The following DNAAF1 variants were observed in gnomAD, a reference collection of about 807,000 sequenced individuals.
The protein encoded by DNAAF1 is dynein assembly factor 1, axonemal.
In DNAAF1, 65 loss-of-function variants were observed where a neutral mutation model predicts 71.1. The ratio of observed to expected loss-of-function variants is 0.91; its 90% confidence interval spans 0.75 to 1.12. DNAAF1 has a LOEUF of 1.12. DNAAF1 is among the 50% of genes most tolerant of loss of function. The pLI, the probability that DNAAF1 is intolerant of heterozygous loss-of-function variation, is 0.00. For missense variants in DNAAF1, 1,178 were observed against 899.8 expected (o/e 1.31, Z -3.96); for synonymous variants, 414 against 354.6 (o/e 1.17, Z -1.88).
chr16:84,150,144 G>A (rs548296583), intron 2 of DNAAF1, 107 bp from the exon 3 acceptor site: 28 of 778,512 alleles, frequency 3.6e-5, no homozygotes, highest in Non-Finnish European at 6.2e-5. Flanking sequence ...AGGGATATAG[G>A]ATGTTATAGA....
intron 9 of DNAAF1, chr16:84,173,380 C>A: frequency 1.4e-6 from 1 of 705,274 alleles, no homozygotes; most frequent in Non-Finnish European, 1.7e-6. Context: ...AGGAGAATGG[C>A]AGGAACCTGG....
chr16:84,154,358 G>A (rs1270858225), intron 3 of DNAAF1, among the ~76,000 whole-genome samples: 1 of 152,066 alleles, frequency 6.6e-6, no homozygotes, highest in African/African-American at 2.4e-5. Flanking sequence ...TCATTTATGA[G>A]ACCACTAATC....
rs190261122 is a variant in DNAAF1, at chr16:84,175,102, C to T, written c.1698+380C>T. On this transcript the variant is annotated intron_variant, in intron 10 of 11. Transcript: ENST00000378553. ...AACTCCTGACCTCAAGTGATCCACCCGCCTCAGCCTCCCAAAGTGCTGGGA... is the reference window on the plus strand; with the variant it reads ...AACTCCTGACCTCAAGTGATCCACCTGCCTCAGCCTCCCAAAGTGCTGGGA... 3.1e-4 allele frequency: 87 copies of T among 279,410 alleles called. 1 individual carries two copies. Among genetic ancestry groups the T allele is most frequent in the African/African-American group, 1.7e-3 (76 of 45,588 alleles). 17.3% of individuals were successfully genotyped at this position (279,410 alleles called of 1,614,324 possible).
chr16:84,176,833 G>A (rs1312291650), intron 11 of DNAAF1: 1 of 180,858 alleles, frequency 5.5e-6, no homozygotes, highest in Non-Finnish European at 1.2e-5. Flanking sequence ...GCACCAGGCA[G>A]GGACGGCAGC....
At chr16:84,155,378 G>A (rs1305911229) in intron 4 of DNAAF1, among the ~76,000 whole-genome samples, 1 of 152,112 alleles carries the variant, frequency 6.6e-6, no homozygotes, top group African/African-American at 2.4e-5. Flanking sequence ...ACAGGCATGT[G>A]CCACCAGACC....
Position 84,176,032 on chromosome 16 carries a change from A to G in DNAAF1, c.1798A>G (p.Thr600Ala), listed in dbSNP as rs199630305. ...TSLPVLENLP[T>A]DTLSNIFAVS... The stretch of plus-strand genomic sequence containing the variant: ...ACTCCCTGTGCTGGAAAACCTCCCC[A>G]CAGACACTCTGTCAAATATATTTGC... The change falls in exon 11 of 12, where the codon ACA becomes GCA. Residue 600 changes from threonine to alanine, a missense_variant. Transcript: ENST00000378553. 9.3e-6 allele frequency: 15 copies of G among 1,614,146 alleles called. No individual in the cohort carries two copies. The highest frequency in any genetic ancestry group is 3.3e-4 in the Middle Eastern group (2 of 6,062).
chr16:84,168,502 TC>T (rs1485775626), intron 7 of DNAAF1, among the ~76,000 whole-genome samples: 2 of 152,172 alleles, frequency 1.3e-5, no homozygotes, highest in African/African-American at 4.8e-5. Context: ...GGTCTCGAAC[TC>T]CTGGCCTCAA....
chr16:84,172,238 A>G (rs777152831), intron 8 of DNAAF1, 22 bp from the exon 9 acceptor site: 1 of 1,611,678 alleles, frequency 6.2e-7, no homozygotes, highest in Admixed American at 1.7e-5. Flanking sequence ...AACTAACTCC[A>G]AGACTTGTTG....
intron 9 of DNAAF1, chr16:84,174,414 T>C: frequency 7.2e-7 from 1 of 1,383,540 alleles, no homozygotes; most frequent in Non-Finnish European, 9.4e-7. Flanking sequence ...AGAAAAAAGA[T>C]GTGGAAATTC....
At chr16:84,154,979 G>C (rs1009163412) in intron 4 of DNAAF1, among the ~76,000 whole-genome samples, 181 bp downstream of exon 4, 2 of 151,706 alleles carry the variant, frequency 1.3e-5, no homozygotes, top group African/African-American at 2.4e-5. Flanking sequence ...CGCGATCTCA[G>C]CTCACTGCAA....
chr16:84,159,687 T>A lies in DNAAF1; in HGVS notation c.754T>A (p.Leu252Met), dbSNP rs193152088. 2.9e-5 allele frequency: 47 copies of A among 1,613,096 alleles called. 1 individual carries two copies. The East Asian group carries it at 9.8e-4, about 34-fold the overall frequency. ...ESMPDLRVLN[L>M]MGNPVIRQIP... ...TGTCTTCTTGCAGCGTGTACTGAATTTGATGGGAAACCCGGTTATCAGACA... is the reference window on the plus strand; with the variant it reads ...TGTCTTCTTGCAGCGTGTACTGAATATGATGGGAAACCCGGTTATCAGACA... The change falls in exon 6 of 12, where the codon TTG becomes ATG. Residue 252 changes from leucine to methionine, a missense_variant. By Grantham distance (15) the Leu-to-Met change is conservative (BLOSUM62 2). Transcript: ENST00000378553.
intron 6 of DNAAF1, among the ~76,000 whole-genome samples, chr16:84,160,195 T>G (rs1283696003): frequency 6.6e-6 from 1 of 152,240 alleles, no homozygotes; most frequent in Non-Finnish European, 1.5e-5. Flanking sequence ...TTGCCAAGTT[T>G]GTTGATGGGT....
At position 84,159,726 on chromosome 16, in the gene DNAAF1, A is replaced by C; in HGVS notation, c.793A>C (p.Arg265=). The C allele has an allele frequency of 6.2e-7, 1 of 1,614,080 alleles. No homozygotes were observed. The highest frequency in any genetic ancestry group is 8.5e-7 in the Non-Finnish European group (1 of 1,179,956). ...GGTTATCAGACAGATTCCTAATTACAGAAGGACAGTCACTGTACGACTAAA... is the reference window on the plus strand; with the variant it reads ...GGTTATCAGACAGATTCCTAATTACCGAAGGACAGTCACTGTACGACTAAA... The part of the protein sequence containing the change: ...NPVIRQIPNY[R]RTVTVRLKHL... Residue 265 remains arginine (R), a synonymous_variant, in exon 6 of 12, where the codon AGA becomes CGA. Coordinates refer to ENST00000378553, the MANE Select transcript of DNAAF1 (RefSeq NM_178452.6).
intron 7 of DNAAF1, among the ~76,000 whole-genome samples, chr16:84,169,397 CT>C (rs1424937736): frequency 1.3e-5 from 2 of 151,424 alleles, no homozygotes; most frequent in Non-Finnish European, 2.9e-5. Context: ...CTCGAGGACA[CT>C]TTTTAAACTA....
chr16:84,176,193 G>A lies in DNAAF1; in HGVS notation c.1959G>A (p.Glu653=). The part of the protein sequence containing the change: ...PRPLIQELSD[E]DPSGQLLMPP... ...CCCTGATCCAGGAGCTCAGCGACGAGGACCCCTCTGGCCAGCTACTGATGC... is the reference window on the plus strand; with the variant it reads ...CCCTGATCCAGGAGCTCAGCGACGAAGACCCCTCTGGCCAGCTACTGATGC... The change falls in exon 11 of 12, where the codon GAG becomes GAA. Residue 653 remains glutamate (E), a synonymous_variant. Transcript: ENST00000378553. The A allele has an allele frequency of 6.2e-7, 1 of 1,613,922 alleles. No homozygotes were observed.
chr16:84,150,203 C>G (rs79344362), intron 2 of DNAAF1, 48 bp from the exon 3 acceptor site: 8 of 1,400,668 alleles, frequency 5.7e-6, no homozygotes, highest in Non-Finnish European at 8.1e-6. Context: ...ATATGTTTTA[C>G]AGCTGACAAT....
intron 11 of DNAAF1, chr16:84,176,554 T>TG (rs1567571526): frequency 1.7e-6 from 1 of 589,274 alleles, no homozygotes; most frequent in Non-Finnish European, 3.0e-6. Context: ...TGACTGTGTG[T>TG]GGGGGTCACA....
At chr16:84,170,509 G>A (rs1315984145) in intron 8 of DNAAF1, among the ~76,000 whole-genome samples, 153 bp downstream of exon 8, 1 of 152,174 alleles carries the variant, frequency 6.6e-6, no homozygotes, top group Non-Finnish European at 1.5e-5. Flanking sequence ...TTGTTTTCTA[G>A]AACAGGGCTG....
rs779981792 is a variant in DNAAF1 at position 84,165,935 on chromosome 16, A to G, written c.1016A>G (p.Glu339Gly). The G allele has an allele frequency of 3.8e-5, 61 of 1,612,730 alleles. No individual in the cohort carries two copies. The highest frequency in any genetic ancestry group is 3.4e-4 in the Middle Eastern group (2 of 5,872). ...QRAEERKRQR[E>G]SQERGEMTSS... ...GCAGAGGAGAGGAAAAGACAGAGAG[A>G]GAGTCAAGAGAGAGGTATGCGCTCG... Residue 339 changes from glutamate (E) to glycine (G), a missense_variant, in exon 7 of 12, where the codon GAG (glutamate) becomes GGG (glycine). By Grantham distance (98) the Glu-to-Gly change is moderately conservative. Transcript: ENST00000378553.
Sources: allele counts gnomAD v4.1 joint callset (sites outside exome capture counted in the v4.1 genomes callset), GRCh38; gene constraint gnomAD v4.1.1; transcripts MANE v1.5; gene names NCBI Gene and HGNC (gene_info 2026-07-23, HGNC 2026-07-21).